Variants in OR56A3 observed in about 807,000 individuals in gnomAD.
OR56A3 encodes olfactory receptor family 56 subfamily A member 3, also known as olfactory receptor 56A3.
OR56A3 carries 23 observed loss-of-function variants against 17.5 expected under a neutral mutation model. That is an observed-to-expected ratio of 1.32 (90% CI 0.95 to 1.87). OR56A3 has a LOEUF of 1.87. Ranked by LOEUF, OR56A3 falls within the 40% of genes most tolerant of loss-of-function variation. OR56A3 has a pLI of 0.00. For missense variants in OR56A3, 366 were observed against 380.1 expected, an observed-to-expected ratio of 0.96 and a Z score of 0.31; for synonymous variants, 175 against 150.6, an observed-to-expected ratio of 1.16 and a Z score of -1.19.
At chr11:5,974,416 C>G in the OR56A3 span, among the ~76,000 whole-genome samples, 1 of 152,124 alleles carries the variant, frequency 6.6e-6, no homozygotes, top group Non-Finnish European at 1.5e-5. Flanking sequence ...CTTTATTAAA[C>G]TCTTGTCAGT....
At chr11:6,008,550 C>T in the OR56A3 span, among the ~76,000 whole-genome samples, 198 of 151,914 alleles carry the variant, frequency 1.3e-3, no homozygotes, top group East Asian at 0.019. Context: ...TGCTTTTGTT[C>T]GAATGCTTGT....
chr11:5,942,750 G>C (rs1043068806), intron 1 of OR56A3, among the ~76,000 whole-genome samples: 6 of 152,206 alleles, frequency 3.9e-5, no homozygotes, highest in Non-Finnish European at 8.8e-5. Context: ...AGAAAACTAC[G>C]CCCAGAAGAG....
chr11:5,961,979 C>T, the OR56A3 span, among the ~76,000 whole-genome samples: 3 of 152,076 alleles, frequency 2.0e-5, no homozygotes, highest in Non-Finnish European at 2.9e-5. Context: ...TTCCAGATCT[C>T]GGAGAAAAAG....
At chr11:5,994,398 T>A in the OR56A3 span, 1 of 720,480 alleles carries the variant, frequency 1.4e-6, no homozygotes, top group Non-Finnish European at 2.6e-6. Context: ...AGCCAGCTCG[T>A]CGTATTGTTC....
the OR56A3 span, among the ~76,000 whole-genome samples, chr11:6,016,757 CA>C: frequency 9.3e-4 from 134 of 144,068 alleles, no homozygotes; most frequent in East Asian, 3.0e-3. Context: ...ATAAATAATA[CA>C]AAAAAAAACC....
chr11:5,959,596 G>A, the OR56A3 span, among the ~76,000 whole-genome samples: 1 of 151,966 alleles, frequency 6.6e-6, no homozygotes, highest in African/African-American at 2.4e-5. Context: ...CTTCCATTTA[G>A]CTCTTCATTC....
In OR56A3 at chr11:5,948,981, T is replaced by C. The variant is rs4363568; in HGVS notation, c.*687T>C. On this transcript the variant is annotated 3_prime_UTR_variant, in exon 3 of 3. Transcript: ENST00000641160. ...GGATATATGAGATTCTTGAATCCTCTTCCCCAATGTGTCTGTGCTTAGAAC... is the reference window on the plus strand; with the variant it reads ...GGATATATGAGATTCTTGAATCCTCCTCCCCAATGTGTCTGTGCTTAGAAC... 1 allele frequency: 152,129 copies of C among 152,366 alleles called. 75,946 individuals carry two copies. Among genetic ancestry groups the C allele is most frequent in the Non-Finnish European group, 1 (68,060 of 68,060 alleles). The allele number at this position is 152,366 out of a possible 1,614,324, so 9.4% of individuals were successfully genotyped here.
the OR56A3 span, among the ~76,000 whole-genome samples, chr11:6,018,472 T>G: frequency 2.0e-5 from 3 of 151,998 alleles, no homozygotes; most frequent in Admixed American, 6.6e-5. Context: ...AAATTGAGAA[T>G]AAAATTTTTA....
the OR56A3 span, among the ~76,000 whole-genome samples, chr11:5,973,728 T>C: frequency 3.9e-5 from 6 of 152,312 alleles, no homozygotes; most frequent in South Asian, 1.2e-3. Flanking sequence ...CTTTGACCTA[T>C]TTTGTGGTTG....
the OR56A3 span, among the ~76,000 whole-genome samples, chr11:5,962,020 T>C: frequency 5.3e-5 from 8 of 152,370 alleles, no homozygotes; most frequent in African/African-American, 1.9e-4. Context: ...ATATGCTAGC[T>C]GTGAATTTGC....
chr11:5,986,895 C>T, the OR56A3 span: 1 of 1,613,536 alleles, frequency 6.2e-7, no homozygotes, highest in Non-Finnish European at 8.5e-7. Flanking sequence ...TTATCAATGG[C>T]TTGGAGAGGA....
At chr11:6,002,619 C>T in the OR56A3 span, 1,530 of 1,614,168 alleles carry the variant, frequency 9.5e-4, 13 homozygotes, top group Middle Eastern at 3.3e-4. Context: ...GGCCACATAA[C>T]GGTCATAGGC....
chr11:6,007,909 T>C, the OR56A3 span, among the ~76,000 whole-genome samples: 2 of 152,226 alleles, frequency 1.3e-5, no homozygotes, highest in Non-Finnish European at 2.9e-5. Flanking sequence ...GTGGCCCTCT[T>C]CATGCTCATG....
At chr11:5,980,315 T>A in the OR56A3 span, among the ~76,000 whole-genome samples, 2 of 152,100 alleles carry the variant, frequency 1.3e-5, no homozygotes, top group Non-Finnish European at 2.9e-5. Context: ...ATTCTGTGGT[T>A]ATCAAAGTCT....
chr11:5,963,593 T>C, the OR56A3 span, among the ~76,000 whole-genome samples: 1 of 152,186 alleles, frequency 6.6e-6, no homozygotes, highest in Non-Finnish European at 1.5e-5. Flanking sequence ...TTATATGTTA[T>C]TTGCTTATTT....
At chr11:5,978,995 G>C in the OR56A3 span, among the ~76,000 whole-genome samples, 1 of 152,030 alleles carries the variant, frequency 6.6e-6, no homozygotes, top group Non-Finnish European at 1.5e-5. Flanking sequence ...TTTTAGTTCT[G>C]TTTGTGAGAT....
At chr11:5,994,466 G>A in the OR56A3 span, 6 of 747,436 alleles carry the variant, frequency 8.0e-6, no homozygotes, top group South Asian at 8.1e-5. Context: ...TGTCTCCATG[G>A]TCAACCCAGA....
the OR56A3 span, among the ~76,000 whole-genome samples, chr11:6,008,481 T>C: frequency 6.6e-6 from 1 of 152,126 alleles, no homozygotes; most frequent in African/African-American, 2.4e-5. Flanking sequence ...GAATTTCTTA[T>C]AAATAAATAA....
chr11:5,989,076 G>A, the OR56A3 span, among the ~76,000 whole-genome samples: 3 of 152,104 alleles, frequency 2.0e-5, no homozygotes, highest in Non-Finnish European at 2.9e-5. Flanking sequence ...ATGCCACGTG[G>A]GCATATATCT....
Sources: allele counts gnomAD v4.1 joint callset (sites outside exome capture counted in the v4.1 genomes callset), GRCh38; gene constraint gnomAD v4.1.1; transcripts MANE v1.5; gene names NCBI Gene and HGNC (gene_info 2026-07-23, HGNC 2026-07-21).